The following ARMH4 variants were observed in gnomAD, a reference collection of about 807,000 sequenced individuals.
ARMH4 encodes armadillo-like helical domain-containing protein 4.
Under a neutral mutation model 61.9 loss-of-function variants are expected in ARMH4, and 49 were observed. The ratio of observed to expected loss-of-function variants is 0.79; its 90% CI spans 0.63 to 1.00. ARMH4 has a LOEUF of 1.00. ARMH4 is among the 50% of genes least tolerant of loss of function. ARMH4 has a pLI of 0.00. For missense variants in ARMH4, 934 were observed against 930.0 expected, an observed-to-expected ratio of 1.00 and a Z score of -0.06; for synonymous variants, 368 against 341.5, an observed-to-expected ratio of 1.08 and a Z score of -0.85.
intron 5 of ARMH4, among the ~76,000 whole-genome samples, chr14:58,020,623 A>G (rs1882789905): frequency 6.6e-6 from 1 of 151,936 alleles, no homozygotes. Context: ...CTCTCTTTGT[A>G]TATGTCTTTC....
chr14:58,127,117 C>A (rs986974248), intron 4 of ARMH4, among the ~76,000 whole-genome samples: 2 of 152,114 alleles, frequency 1.3e-5, no homozygotes, highest in African/African-American at 2.4e-5. Flanking sequence ...AAAGGTAATT[C>A]TCCAGCAAGT....
chr14:58,101,360 TGAAAGC>T (rs939590836), intron 4 of ARMH4: 2 of 152,114 alleles, frequency 1.3e-5, no homozygotes, highest in African/African-American at 4.8e-5. Context: ...AATGGTGAAA[TGAAAGC>T]AGAAGACAGT....
chr14:58,079,798 G>T (rs1885160455), intron 5 of ARMH4, among the ~76,000 whole-genome samples: 3 of 152,160 alleles, frequency 2.0e-5, no homozygotes, highest in African/African-American at 7.2e-5. Context: ...ACATACACCT[G>T]GCTCTTTTCT....
chr14:58,027,875 A>G (rs1391436370), intron 5 of ARMH4, among the ~76,000 whole-genome samples: 1 of 152,200 alleles, frequency 6.6e-6, no homozygotes, highest in Admixed American at 6.5e-5. Flanking sequence ...CATTACAGTT[A>G]ATATGCTCAA....
chr14:58,139,475 T>A, intron 1 of ARMH4, 61 bp from the exon 2 acceptor site: 1 of 915,842 alleles, frequency 1.1e-6, no homozygotes, highest in Non-Finnish European at 1.6e-6. Context: ...TAAGTCTCTT[T>A]AAATTAAACC....
intron 5 of ARMH4, among the ~76,000 whole-genome samples, chr14:58,027,242 G>A (rs1285278435): frequency 1.3e-5 from 2 of 152,204 alleles, no homozygotes; most frequent in Non-Finnish European, 2.9e-5. Flanking sequence ...ATACGGCATA[G>A]TGCCCATAGC....
At chr14:58,050,117 A>G (rs114549157) in intron 5 of ARMH4, among the ~76,000 whole-genome samples, 407 of 152,334 alleles carry the variant, frequency 2.7e-3, no homozygotes, top group African/African-American at 9.5e-3. Flanking sequence ...GTCCCATGGC[A>G]TGACATTCAC....
intron 5 of ARMH4, among the ~76,000 whole-genome samples, chr14:58,091,101 A>C (rs933317398): frequency 6.6e-6 from 1 of 151,418 alleles, no homozygotes; most frequent in Non-Finnish European, 1.5e-5. Flanking sequence ...AATCCCAGCT[A>C]CTGGGGAGGC....
At chr14:58,030,923 T>C (rs7492332) in intron 5 of ARMH4, among the ~76,000 whole-genome samples, 75,543 of 152,010 alleles carry the variant, frequency 0.5, 19,429 homozygotes, top group East Asian at 0.67. Context: ...ATAAATAATG[T>C]CACTATGAAC....
intron 2 of ARMH4, among the ~76,000 whole-genome samples, chr14:58,136,848 T>C (rs1887318336): frequency 6.6e-6 from 1 of 152,162 alleles, no homozygotes; most frequent in Non-Finnish European, 1.5e-5. Context: ...AAGTAGAAAA[T>C]GCAGAACCAA....
chr14:58,029,098 C>T (rs1454469829), intron 5 of ARMH4, among the ~76,000 whole-genome samples: 2 of 152,190 alleles, frequency 1.3e-5, no homozygotes, highest in Non-Finnish European at 2.9e-5. Context: ...AGTCCCTCTC[C>T]ATTCCCCTCA....
At position 58,131,622 on chromosome 14, in the gene ARMH4, G is replaced by A. The variant is rs759937754; in HGVS notation, c.1721C>T (p.Ser574Phe). ...PGIMVGEPSI[S>F]PALPALEASS... ...TGCCTCCAAAGCAGGAAGTGCAGGG[G>A]AAATGCTGGGTTCCCCCACCATTAT... The change falls in exon 4 of 8, where the codon TCC becomes TTC. Residue 574 changes from serine (S) to phenylalanine (F), a missense_variant. By Grantham distance (155) the Ser-to-Phe change is radical. Coordinates refer to ENST00000267485, the MANE Select transcript of ARMH4 (RefSeq NM_001001872.4). 6.2e-7 allele frequency: 1 copy of A among 1,614,050 alleles called. No homozygotes were observed.
At chr14:58,064,926 T>A (rs1884653882) in intron 5 of ARMH4, among the ~76,000 whole-genome samples, 1 of 152,188 alleles carries the variant, frequency 6.6e-6, no homozygotes, top group Non-Finnish European at 1.5e-5. Context: ...GGATGAATTC[T>A]ACAAGTCAAA....
intron 5 of ARMH4, among the ~76,000 whole-genome samples, chr14:58,028,532 C>T (rs1251988438): frequency 6.6e-6 from 1 of 152,288 alleles, no homozygotes; most frequent in Admixed American, 6.5e-5. Context: ...GACCTCCTTT[C>T]GCTGAGGGGC....
chr14:58,050,995 TAAAGG>T (rs1462056428), intron 5 of ARMH4, among the ~76,000 whole-genome samples: 2 of 151,836 alleles, frequency 1.3e-5, no homozygotes, highest in African/African-American at 4.8e-5. Flanking sequence ...ATTCTACAAT[TAAAGG>T]AAAGATTCCC....
Position 58,005,100 on chromosome 14 carries a change from A to T in ARMH4, c.2204T>A (p.Ile735Asn). The change falls in exon 7 of 8, where the codon ATT (isoleucine) becomes AAT (asparagine). Residue 735 changes from isoleucine to asparagine, a missense_variant. Coordinates refer to ENST00000267485, the MANE Select transcript of ARMH4 (RefSeq NM_001001872.4). ...TCTCCTTCGGCGATTCATAACCTTA[A>T]TGCTGTAGAGGGCTCCCAAGATGAA... ...ALFILGALYS[I>N]KVMNRRRRNG... 6.2e-7 allele frequency: 1 copy of T among 1,614,022 alleles called. No individual in the cohort carries two copies. Among genetic ancestry groups the T allele is most frequent in the Non-Finnish European group, 8.5e-7 (1 of 1,179,958 alleles).
chr14:58,038,826 T>C (rs1245960363), intron 5 of ARMH4, among the ~76,000 whole-genome samples: 1 of 152,214 alleles, frequency 6.6e-6, no homozygotes, highest in East Asian at 1.9e-4. Context: ...GCTACACTCA[T>C]AATTAGACAA....
chr14:58,008,701 C>T (rs1034044159), intron 6 of ARMH4, among the ~76,000 whole-genome samples: 5 of 152,166 alleles, frequency 3.3e-5, no homozygotes, highest in African/African-American at 1.2e-4. Flanking sequence ...TTGTTGGGCC[C>T]CATTCCCAGA....
At chr14:58,114,058 G>A (rs377746250) in intron 4 of ARMH4, among the ~76,000 whole-genome samples, 1 of 152,036 alleles carries the variant, frequency 6.6e-6, no homozygotes, top group African/African-American at 2.4e-5. Flanking sequence ...GTCAGTCATG[G>A]TGGTTCATTT....
Sources: gnomAD v4.1 joint callset for allele counts (sites outside exome capture counted in the v4.1 genomes callset) on GRCh38, gnomAD v4.1.1 for gene constraint, MANE v1.5 for transcripts, NCBI Gene and HGNC (gene_info 2026-07-23, HGNC 2026-07-21) for gene names.